PIP4K2C: variants seen among roughly 807,000 people sequenced by gnomAD.
PIP4K2C encodes phosphatidylinositol-5-phosphate 4-kinase type 2 gamma, also known as phosphatidylinositol 5-phosphate 4-kinase type-2 gamma.
A neutral mutation model predicts 45.0 loss-of-function variants in PIP4K2C; 21 were observed. The ratio of observed to expected loss-of-function variants is 0.47; its 90% confidence interval spans 0.33 to 0.67. The LOEUF is 0.67. Ranked by LOEUF, PIP4K2C falls within the 30% of genes least tolerant of loss-of-function variation. PIP4K2C has a pLI of 0.02. For missense variants in PIP4K2C, 456 were observed against 542.8 expected (o/e 0.84, Z 1.59); for synonymous variants, 201 against 204.8 (o/e 0.98, Z 0.16).
chr12:57,598,548 A>T, intron 4 of PIP4K2C, among the ~76,000 whole-genome samples: 1 of 142,374 alleles, frequency 7.0e-6, no homozygotes, highest in Admixed American at 7.4e-5. Context: ...AAAAAAATCC[A>T]AATTGTAGGC....
In PIP4K2C at chr12:57,594,037, A is replaced by G. The variant is rs781315550; in HGVS notation, c.187A>G (p.Ser63Gly). ...WGVAHSINEL[S>G]QVPPPVMLLP... Reference sequence around the variant, plus strand: ...TTTGGCTTATCAGATCAATGAGCTCAGCCAGGTGCCTCCCCCGGTGATGCT... The same window carrying G: ...TTTGGCTTATCAGATCAATGAGCTCGGCCAGGTGCCTCCCCCGGTGATGCT... Residue 63 changes from serine (S) to glycine (G), a missense_variant, in exon 2 of 10, where the codon AGC becomes GGC. Ser to Gly is a moderately conservative substitution (Grantham distance 56). Coordinates refer to ENST00000354947, the MANE Select transcript of PIP4K2C (RefSeq NM_024779.5). 6.8e-6 allele frequency: 11 copies of G among 1,613,864 alleles called. No individual in the cohort carries two copies. The East Asian group carries it at 1.8e-4, about 26-fold the overall frequency.
rs1456540480 is a variant in PIP4K2C, at chr12:57,600,454, C to G, written c.813+17C>G. ...GATGTGGAGGTGATGATTGGGTGCTCTGGGAAATGGCTTTCCTTTTTTTGC... is the reference window on the plus strand; with the variant it reads ...GATGTGGAGGTGATGATTGGGTGCTGTGGGAAATGGCTTTCCTTTTTTTGC... On this transcript the variant is annotated intron_variant, in intron 7 of 9. Transcript: ENST00000354947. The G allele has an allele frequency of 1.3e-6, 2 of 1,542,146 alleles. No individual in the cohort carries two copies. The highest frequency in any genetic ancestry group is 1.8e-6 in the Non-Finnish European group (2 of 1,116,828).
rs577129548 is a variant in PIP4K2C at position 57,599,638 on chromosome 12, A to G, written c.699+200A>G. Among the ~76,000 whole-genome samples, 9 of 152,314 alleles carry G rather than the reference A, an allele frequency of 5.9e-5. No individual in the cohort carries two copies. The East Asian group carries it at 1.4e-3, about 23-fold the overall frequency. On this transcript the variant is annotated intron_variant, in intron 6 of 9. Coordinates refer to ENST00000354947, the MANE Select transcript of PIP4K2C (RefSeq NM_024779.5). ...AAGGGGCAGTGGGAGCAGCTGCTTT[A>G]ACACTGGCATGGGTTATTCCATATG...
rs1281958866 is a variant in PIP4K2C, at chr12:57,591,412, C to G, written c.123C>G (p.Phe41Leu). 1.2e-6 allele frequency: 2 copies of G among 1,613,856 alleles called. No homozygotes were observed. The highest frequency in any genetic ancestry group is 3.3e-5 in the Admixed American group (2 of 60,006). ...KHFVQQKVKV[F>L]RAADPLVGVF... ...TCGTGCAGCAGAAGGTGAAGGTGTT[C>G]CGGGCGGCCGACCCGCTGGTGGGTG... Residue 41 changes from phenylalanine (F) to leucine (L), a missense_variant, in exon 1 of 10, where the codon TTC (phenylalanine) becomes TTG (leucine). Coordinates refer to ENST00000354947, the MANE Select transcript of PIP4K2C (RefSeq NM_024779.5).
At position 57,591,242 on chromosome 12, in the gene PIP4K2C, G is replaced by T. The variant is rs752757766; in HGVS notation, c.-48G>T. 2.6e-6 allele frequency: 4 copies of T among 1,560,524 alleles called. No individual in the cohort carries two copies. Among genetic ancestry groups the T allele is most frequent in the Non-Finnish European group, 2.6e-6 (3 of 1,149,170 alleles). On this transcript the variant is annotated 5_prime_UTR_variant, in exon 1 of 10. Coordinates refer to ENST00000354947, the MANE Select transcript of PIP4K2C (RefSeq NM_024779.5). ...GCGCCGCTTCCGGGGTCGGGCGCCT[G>T]GATAGCTGCCGGCTCCGGCTTCCAC...
At position 57,594,928 on chromosome 12, in the gene PIP4K2C, C is replaced by A. The variant is rs140448485; in HGVS notation, c.273-198C>A. Among the ~76,000 whole-genome samples, 25 of 152,098 alleles carry A rather than the reference C, an allele frequency of 1.6e-4. No individual in the cohort carries two copies. The East Asian group carries it at 4.9e-3, about 30-fold the overall frequency. On this transcript the variant is annotated intron_variant, in intron 2 of 9. Transcript: ENST00000354947. ...GAGGTTGTGGTGAGCCGAGATTGCA[C>A]CACTGCAGTCCAACCTGGCAACAGA...
intron 6 of PIP4K2C, 110 bp downstream of exon 6, chr12:57,599,548 C>T: frequency 8.3e-7 from 1 of 1,207,584 alleles, no homozygotes; most frequent in South Asian, 1.3e-5. Context: ...GGATTACTAG[C>T]TATTTATTAT....
chr12:57,597,214 G>A (rs1311764123), intron 4 of PIP4K2C, among the ~76,000 whole-genome samples: 1 of 152,210 alleles, frequency 6.6e-6, no homozygotes, highest in Admixed American at 6.5e-5. Context: ...GAATGGATTG[G>A]TGGGAGGGAA....
chr12:57,595,095 T>C (rs1883130032), intron 2 of PIP4K2C, 31 bp from the exon 3 acceptor site: 2 of 1,362,390 alleles, frequency 1.5e-6, no homozygotes, highest in Non-Finnish European at 1.1e-6. Context: ...TAATATTGTT[T>C]GTTTTCTTAC....
At position 57,594,996 on chromosome 12, in the gene PIP4K2C, A is replaced by T. The variant is rs146472729; in HGVS notation, c.273-130A>T. ...AAAATAATAATAACAAATAAAAATT[A>T]AAAAAAAAGGACCTCACAGGGTTTT... On this transcript the variant is annotated intron_variant, in intron 2 of 9. Transcript: ENST00000354947. 4.1e-3 allele frequency: 2,227 copies of T among 539,510 alleles called. 30 individuals are homozygous for T. The highest frequency in any genetic ancestry group is 0.031 in the African/African-American group (1,603 of 51,316). The allele number at this position is 539,510 out of a possible 1,614,324, so 33.4% of individuals were successfully genotyped here.
rs796819555 is a variant in PIP4K2C at position 57,601,022 on chromosome 12, T to C, written c.1025T>C (p.Leu342Pro). Residue 342 changes from leucine (L) to proline (P), a missense_variant, in exon 8 of 10, where the codon CTG (leucine) becomes CCG (proline). Leu to Pro is a moderately conservative substitution (Grantham distance 98, BLOSUM62 -3). Around this residue, in one of 2 missense-constraint regions of PIP4K2C, gnomAD observed 421 missense variants for 473.1 expected, o/e 0.89. Transcript: ENST00000354947. ...IGGYIHSHRP[L>P]GPGEFESFID... The stretch of plus-strand genomic sequence containing the variant: ...GGCTACATCCATTCCCATCGGCCCC[T>C]GGGCCCAGGAGAGTTTGAGTCCTTC... 1.9e-6 allele frequency: 3 copies of C among 1,614,046 alleles called. No individual in the cohort carries two copies. In the African/African-American group the frequency reaches 4.0e-5, roughly 22 times the overall value.
Position 57,601,095 on chromosome 12 carries a change from A to C in PIP4K2C, c.1081+17A>C. On this transcript the variant is annotated intron_variant, in intron 8 of 9. Coordinates refer to ENST00000354947, the MANE Select transcript of PIP4K2C (RefSeq NM_024779.5). Reference sequence around the variant, plus strand: ...GTGCTGAAGGTGAGAGAACCGGGACAATTTAAGGGTGGAGAGGGGATTTTT... The same window carrying C: ...GTGCTGAAGGTGAGAGAACCGGGACCATTTAAGGGTGGAGAGGGGATTTTT... The C allele has an allele frequency of 1.9e-6, 3 of 1,610,262 alleles. No individual in the cohort carries two copies. The South Asian group carries it at 3.3e-5, about 18-fold the overall frequency.
chr12:57,593,137 A>G (rs757434589), intron 1 of PIP4K2C, among the ~76,000 whole-genome samples: 3 of 152,142 alleles, frequency 2.0e-5, no homozygotes, highest in Non-Finnish European at 4.4e-5. Context: ...GACGACTAGA[A>G]TGAGCCCTTG....
In PIP4K2C at chr12:57,596,439, C is replaced by T. The variant is rs531959247; in HGVS notation, c.513+408C>T. On this transcript the variant is annotated intron_variant, in intron 4 of 9. Transcript: ENST00000354947. The stretch of plus-strand genomic sequence containing the variant: ...AGCGGAGGTTGTAGTGAGCCGAGAT[C>T]GTGCATTTGCACTTCAGCCTGGGCA... 1.9e-4 allele frequency among the ~76,000 whole-genome samples: 28 copies of T among 149,124 alleles called. No homozygotes were observed. In the East Asian group the frequency reaches 3.7e-3, roughly 20 times the overall value.
chr12:57,591,686 TC>T (rs1162177310), intron 1 of PIP4K2C, among the ~76,000 whole-genome samples: 5 of 152,124 alleles, frequency 3.3e-5, no homozygotes, highest in Non-Finnish European at 5.9e-5. Flanking sequence ...AGTTCCACCT[TC>T]CCCCCGTGAA....
Position 57,601,601 on chromosome 12 carries a change from G to T in PIP4K2C, c.1261G>T (p.Ala421Ser), listed in dbSNP as rs776324358. 1 of 1,607,306 alleles carries T rather than the reference G, an allele frequency of 6.2e-7. No individual in the cohort carries two copies. The highest frequency in any genetic ancestry group is 8.5e-7 in the Non-Finnish European group (1 of 1,173,886). The change falls in exon 10 of 10, where the codon GCC becomes TCC. Residue 421 changes from alanine (A) to serine (S), a missense_variant. Around this residue, in one of 2 missense-constraint regions of PIP4K2C, gnomAD observed 35 missense variants for 69.7 expected, o/e 0.50. Coordinates refer to ENST00000354947, the MANE Select transcript of PIP4K2C (RefSeq NM_024779.5). Reference protein sequence around the residue: ...RFLDFITNIFA With the variant: ...RFLDFITNIFS ...CCTGGATTTTATTACCAACATCTTT[G>T]CCTAAGAGACTGCCTGGTTCTCTCT...
intron 1 of PIP4K2C, among the ~76,000 whole-genome samples, chr12:57,592,623 C>T (rs753303371): frequency 1.3e-5 from 2 of 152,024 alleles, no homozygotes; most frequent in Non-Finnish European, 2.9e-5. Flanking sequence ...TATGTACCTT[C>T]CAGGTGATTC....
chr12:57,596,256 C>T (rs956321962), intron 4 of PIP4K2C, among the ~76,000 whole-genome samples: 2 of 152,008 alleles, frequency 1.3e-5, no homozygotes, highest in Admixed American at 6.6e-5. Context: ...GAGGCTGAGG[C>T]GGGAGGATCA....
intron 1 of PIP4K2C, among the ~76,000 whole-genome samples, chr12:57,592,632 T>G (rs941376622): frequency 4.6e-5 from 7 of 152,120 alleles, no homozygotes; most frequent in African/African-American, 1.4e-4. Flanking sequence ...TCCAGGTGAT[T>G]CATCCATTCC....
Sources: allele counts gnomAD v4.1 joint callset (sites outside exome capture counted in the v4.1 genomes callset), GRCh38; gene constraint gnomAD v4.1.1; regional missense constraint gnomAD v4.1.1; transcripts MANE v1.5; gene names NCBI Gene and HGNC (gene_info 2026-07-23, HGNC 2026-07-21).